NEK10: variants seen among roughly 807,000 people sequenced by gnomAD.
NEK10 encodes the protein NIMA related kinase 10, also known as serine/threonine-protein kinase Nek10.
NEK10 carries 122 observed loss-of-function variants against 159.8 expected under a neutral mutation model. The ratio of observed to expected loss-of-function variants is 0.76; its 90% CI spans 0.66 to 0.89. The LOEUF (loss-of-function observed/expected upper bound fraction) is 0.89, where lower values mean the gene tolerates loss of function less well. NEK10 is among the 40% of genes least tolerant of loss of function. The probability of loss-of-function intolerance (pLI) is 0.00; values close to 1 mark genes in which losing one functional copy is unlikely to be tolerated. For missense variants in NEK10, 1,342 were observed against 1,323.1 expected, an observed-to-expected ratio of 1.01 and a Z score of -0.22; for synonymous variants, 466 against 457.1, an observed-to-expected ratio of 1.02 and a Z score of -0.25.
chr3:27,177,823 G>C (rs1341083437), intron 26 of NEK10, among the ~76,000 whole-genome samples: 1 of 152,180 alleles, frequency 6.6e-6, no homozygotes, highest in Non-Finnish European at 1.5e-5. Flanking sequence ...GAGCCATTAA[G>C]TTGTCCTCAG....
intron 23 of NEK10, among the ~76,000 whole-genome samples, chr3:27,235,032 T>G (rs1953750986): frequency 6.6e-6 from 1 of 152,078 alleles, no homozygotes; most frequent in African/African-American, 2.4e-5. Context: ...CCCTATTTAA[T>G]AAATGGTGCT....
intron 13 of NEK10, 94 bp downstream of exon 13, chr3:27,301,602 T>G: frequency 2.1e-6 from 2 of 950,338 alleles, no homozygotes; most frequent in South Asian, 3.3e-5. Context: ...AACTTCTAAA[T>G]TTTGCCTACT....
At chr3:27,356,476 T>C (rs1040927784) in intron 1 of NEK10, among the ~76,000 whole-genome samples, 1 of 152,138 alleles carries the variant, frequency 6.6e-6, no homozygotes, top group African/African-American at 2.4e-5. Context: ...TGTTACTGCG[T>C]TCCAGCCTGA....
intron 23 of NEK10, 168 bp from the exon 24 acceptor site, chr3:27,202,725 AG>A (rs1209264457): frequency 5.9e-6 from 3 of 504,558 alleles, no homozygotes; most frequent in Non-Finnish European, 7.7e-6. Context: ...TCCCAGCCTT[AG>A]ATGAACCAGG....
chr3:27,289,597 T>C (rs2042858204), intron 19 of NEK10, among the ~76,000 whole-genome samples: 1 of 152,214 alleles, frequency 6.6e-6, no homozygotes, highest in Non-Finnish European at 1.5e-5. Flanking sequence ...CAGAACCATA[T>C]TCTGGACCTG....
rs546735353 is a variant in NEK10 at position 27,298,653 on chromosome 3, G to A, written c.1169-1413C>T. Among the ~76,000 whole-genome samples the A allele has an allele frequency of 1.1e-4, 17 of 152,332 alleles. No individual in the cohort carries two copies. In the South Asian group the frequency reaches 2.3e-3, roughly 20 times the overall value. ...AAGACAGGAAAATGTGGGAAAGTTTGGAACTCCCTAGAGGCTTGTTGAATG... is the reference window on the plus strand; with the variant it reads ...AAGACAGGAAAATGTGGGAAAGTTTAGAACTCCCTAGAGGCTTGTTGAATG... On this transcript the variant is annotated intron_variant, in intron 13 of 35. Transcript: ENST00000691995.
intron 23 of NEK10, among the ~76,000 whole-genome samples, chr3:27,203,658 G>C (rs189021007): frequency 1.3e-5 from 2 of 152,102 alleles, no homozygotes; most frequent in African/African-American, 4.8e-5. Context: ...CTCTAATGGA[G>C]TAAAGATTAA....
intron 29 of NEK10, among the ~76,000 whole-genome samples, chr3:27,167,878 A>G (rs1265774419): frequency 6.6e-6 from 1 of 152,186 alleles, no homozygotes; most frequent in African/African-American, 2.4e-5. Context: ...TTTTCTGAGC[A>G]GGCAGGGGCT....
chr3:27,314,583 C>A (rs1319026327), intron 6 of NEK10, among the ~76,000 whole-genome samples: 2 of 152,130 alleles, frequency 1.3e-5, no homozygotes, highest in Non-Finnish European at 2.9e-5. Flanking sequence ...CAGCCTGCCC[C>A]TTCATTCTTC....
chr3:27,311,986 G>T (rs1323942637), intron 8 of NEK10, 113 bp downstream of exon 8: 1 of 729,242 alleles, frequency 1.4e-6, no homozygotes, highest in Admixed American at 2.0e-5. Flanking sequence ...CACCTGAGCT[G>T]TGTGTGCGAA....
intron 31 of NEK10, among the ~76,000 whole-genome samples, chr3:27,133,838 A>G (rs907932589): frequency 1.5e-4 from 23 of 152,200 alleles, no homozygotes; most frequent in African/African-American, 4.6e-4. Flanking sequence ...TAGCGAAGAA[A>G]TAAGACTCTT....
At position 27,347,502 on chromosome 3, in the gene NEK10, C is replaced by CA. The variant is rs35966643; in HGVS notation, c.133-1287dup. ...GGGCAACAAGAGTGAAACTCCGTCT[C>CA]AAAAAAAAAAAAAAAAAAAAAAAAA... On this transcript the variant is annotated intron_variant, in intron 3 of 35. Coordinates refer to ENST00000691995, the MANE Select transcript of NEK10 (RefSeq NM_001394966.1). Among the ~76,000 whole-genome samples, 518 of 63,426 alleles carry CA rather than the reference C, an allele frequency of 8.2e-3. 69 individuals carry two copies. Among genetic ancestry groups the CA allele is most frequent in the African/African-American group, 0.013 (180 of 14,382 alleles). 41.6% of individuals were successfully genotyped at this position (63,426 alleles called of 152,430 possible). A position where few individuals can be genotyped will look rare whatever the true frequency, so the allele number is the denominator to read the frequency against.
chr3:27,172,934 G>A (rs1182311148), intron 28 of NEK10, among the ~76,000 whole-genome samples: 1 of 152,142 alleles, frequency 6.6e-6, no homozygotes, highest in Non-Finnish European at 1.5e-5. Flanking sequence ...GTCTGTCACA[G>A]CTGAATTCTG....
In NEK10 at chr3:27,204,297, TG is replaced by T. The variant is rs1182762824; in HGVS notation, c.2091-1741del. Among the ~76,000 whole-genome samples, 532 of 74,366 alleles carry T rather than the reference TG, an allele frequency of 7.2e-3. 2 individuals are homozygous for T. Among genetic ancestry groups the T allele is most frequent in the Non-Finnish European group, 0.01 (396 of 38,968 alleles). 48.8% of individuals were successfully genotyped at this position (74,366 alleles called of 152,430 possible). ...TTTCTTTTTTTTTTTTTTTTTTTGT[TG>T]TTGTTTTTTTTTTTTTTTTTTTTAT... On this transcript the variant is annotated intron_variant, in intron 23 of 35. Coordinates refer to ENST00000691995, the MANE Select transcript of NEK10 (RefSeq NM_001394966.1).
intron 23 of NEK10, chr3:27,254,994 G>C (rs959188051): frequency 1.3e-5 from 2 of 159,258 alleles, no homozygotes; most frequent in African/African-American, 4.8e-5. Context: ...TTAATTCAAA[G>C]TCTCAGGAAT....
chr3:27,116,306 C>T (rs1940417110), intron 33 of NEK10, among the ~76,000 whole-genome samples, 179 bp from the exon 34 acceptor site: 1 of 152,076 alleles, frequency 6.6e-6, no homozygotes, highest in South Asian at 2.1e-4. Context: ...TTTTGTTTTC[C>T]TTTCTTTAAT....
intron 32 of NEK10, among the ~76,000 whole-genome samples, chr3:27,123,743 G>T (rs1941601889): frequency 6.6e-6 from 1 of 152,052 alleles, no homozygotes; most frequent in Admixed American, 6.6e-5. Flanking sequence ...GTCAGCAAAG[G>T]CTTCCATGAA....
chr3:27,332,900 A>G (rs561471980), intron 5 of NEK10, among the ~76,000 whole-genome samples: 1 of 152,304 alleles, frequency 6.6e-6, no homozygotes, highest in Non-Finnish European at 1.5e-5. Flanking sequence ...AAAAGATTGG[A>G]AGACCACAAT....
At chr3:27,303,562 T>G (rs1405835588) in intron 12 of NEK10, among the ~76,000 whole-genome samples, 1 of 152,242 alleles carries the variant, frequency 6.6e-6, no homozygotes, top group African/African-American at 2.4e-5. Flanking sequence ...TGACTTATAA[T>G]TTATACTATA....
Sources: allele counts gnomAD v4.1 joint callset (sites outside exome capture counted in the v4.1 genomes callset), GRCh38; gene constraint gnomAD v4.1.1; transcripts MANE v1.5; gene names NCBI Gene and HGNC (gene_info 2026-07-23, HGNC 2026-07-21).